The following PTPRN2 variants were observed in gnomAD, a reference collection of about 807,000 sequenced individuals.
PTPRN2 encodes receptor-type tyrosine-protein phosphatase N2.
PTPRN2 carries 74 observed loss-of-function variants against 118.8 expected under a neutral mutation model. That is an observed-to-expected ratio of 0.62 (90% CI 0.52 to 0.76). PTPRN2 has a LOEUF of 0.76. Ranked by LOEUF, PTPRN2 falls within the 30% of genes least tolerant of loss-of-function variation. PTPRN2 has a pLI of 0.00. For synonymous variants in PTPRN2, 641 were observed against 608.0 expected (o/e 1.05, Z -0.80); for missense variants, 1,481 against 1,394.4 (o/e 1.06, Z -0.99).
intron 2 of PTPRN2, among the ~76,000 whole-genome samples, chr7:158,474,197 C>T (rs933261309): frequency 1.3e-5 from 2 of 152,172 alleles, no homozygotes; most frequent in African/African-American, 2.4e-5. Context: ...AGAGGCACAG[C>T]GAACTCTACA....
chr7:157,810,642 G>A (rs1402431994), intron 12 of PTPRN2, among the ~76,000 whole-genome samples: 9 of 138,296 alleles, frequency 6.5e-5, no homozygotes, highest in Admixed American at 4.3e-4. Flanking sequence ...GGACGGGGAC[G>A]GGAACGGCGG....
At chr7:157,759,198 C>T (rs115401479) in intron 12 of PTPRN2, among the ~76,000 whole-genome samples, 1,928 of 152,340 alleles carry the variant, frequency 0.013, 43 homozygotes, top group African/African-American at 0.044. Flanking sequence ...GCGCCGTGGG[C>T]GCAGGCGGTC....
intron 11 of PTPRN2, among the ~76,000 whole-genome samples, chr7:157,909,103 C>A (rs1797934861): frequency 6.6e-6 from 1 of 152,070 alleles, no homozygotes; most frequent in South Asian, 2.1e-4. Flanking sequence ...ATTACTCAGC[C>A]AAACCTTACC....
Position 158,548,755 on chromosome 7 carries a change from G to A in PTPRN2, c.112+38803C>T, listed in dbSNP as rs531041504. On this transcript the variant is annotated intron_variant, in intron 1 of 22. Coordinates refer to ENST00000389418, the MANE Select transcript of PTPRN2 (RefSeq NM_002847.5). ...CCCAGCATGACTCTAAGCCCAGTGT[G>A]GGACCAGCGTGAACCCAGGCGGCCT... Among the ~76,000 whole-genome samples, 204 of 152,330 alleles carry A rather than the reference G, an allele frequency of 1.3e-3. 1 individual carries two copies. Among genetic ancestry groups the A allele is most frequent in the African/African-American group, 4.7e-3 (196 of 41,576 alleles).
At position 158,517,361 on chromosome 7, in the gene PTPRN2, G is replaced by A. The variant is rs1042094880; in HGVS notation, c.113-27576C>T. On this transcript the variant is annotated intron_variant, in intron 1 of 22. Coordinates refer to ENST00000389418, the MANE Select transcript of PTPRN2 (RefSeq NM_002847.5). The surrounding 1 kb of genome is among the most constrained non-coding windows in gnomAD (Gnocchi z 5.3). ...ACACCTATCACCGCCCACCACAGGC[G>A]CACTGTGGGCTGATGGGGTGGGCCA... 7.2e-5 allele frequency among the ~76,000 whole-genome samples: 11 copies of A among 152,256 alleles called. No individual in the cohort carries two copies. Among genetic ancestry groups the A allele is most frequent in the Admixed American group, 4.6e-4 (7 of 15,302 alleles).
chr7:157,805,735 G>A (rs535350918), intron 12 of PTPRN2, among the ~76,000 whole-genome samples: 8 of 152,320 alleles, frequency 5.3e-5, no homozygotes, highest in African/African-American at 1.7e-4. Flanking sequence ...AATAAGACCA[G>A]GCAGTGTTTT....
intron 2 of PTPRN2, among the ~76,000 whole-genome samples, chr7:158,429,601 C>G (rs897081940): frequency 6.6e-6 from 1 of 152,244 alleles, no homozygotes; most frequent in Non-Finnish European, 1.5e-5. Flanking sequence ...TGCCACCCTC[C>G]GCTCAAGCAC....
Position 158,316,820 on chromosome 7 carries a change from T to G in PTPRN2, c.276A>C (p.Thr92=). 6.3e-7 allele frequency: 1 copy of G among 1,599,018 alleles called. No homozygotes were observed. Among genetic ancestry groups the G allele is most frequent in the Non-Finnish European group, 8.5e-7 (1 of 1,176,734 alleles). ...LRVALQKLSG[T]GFTWQDDYTQ... ...AGCCTCGGCCCACGCCCGCCCTACCTGTGCCGGAAAGCTTCTGCAACGCCA... is the reference window on the plus strand; with the variant it reads ...AGCCTCGGCCCACGCCCGCCCTACCGGTGCCGGAAAGCTTCTGCAACGCCA... The change falls in exon 3 of 23, where the codon ACA becomes ACC. Residue 92 remains threonine, a splice_region_variant and synonymous_variant. Transcript: ENST00000389418.
At chr7:158,177,784 T>A (rs1055087350) in intron 5 of PTPRN2, among the ~76,000 whole-genome samples, 1 of 152,350 alleles carries the variant, frequency 6.6e-6, no homozygotes, top group Non-Finnish European at 1.5e-5. Flanking sequence ...GATAGACATT[T>A]GGGTTTTTTC....
intron 11 of PTPRN2, among the ~76,000 whole-genome samples, chr7:158,071,120 CCCG>C (rs1340710181): frequency 6.4e-4 from 39 of 61,070 alleles, no homozygotes; most frequent in Non-Finnish European, 7.9e-4. Flanking sequence ...GGTGGAGGTG[CCCG>C]TGGTGGTGGA....
At position 157,942,624 on chromosome 7, in the gene PTPRN2, C is replaced by T. The variant is rs76316485; in HGVS notation, c.1724-43887G>A. Among the ~76,000 whole-genome samples the T allele has an allele frequency of 7.0e-3, 1,063 of 152,198 alleles. 22 individuals carry two copies. The highest frequency in any genetic ancestry group is 0.023 in the East Asian group (120 of 5,140). On this transcript the variant is annotated intron_variant, in intron 11 of 22. Coordinates refer to ENST00000389418, the MANE Select transcript of PTPRN2 (RefSeq NM_002847.5). ...CTCCACCAGCTCCAGACCCCAACTT[C>T]TCCGCGTTCACCTGTACATCGCAAG...
intron 6 of PTPRN2, among the ~76,000 whole-genome samples, chr7:158,150,957 C>A (rs897445793): frequency 6.6e-6 from 1 of 151,984 alleles, no homozygotes; most frequent in Non-Finnish European, 1.5e-5. Context: ...TTCTGTGCAT[C>A]CCACCCTGCT....
chr7:157,807,366 T>C (rs1404545974), intron 12 of PTPRN2, among the ~76,000 whole-genome samples: 1 of 152,180 alleles, frequency 6.6e-6, no homozygotes, highest in African/African-American at 2.4e-5. Context: ...TGCACACACA[T>C]GGCAGCCAGA....
chr7:157,822,945 T>C (rs1006868957), intron 12 of PTPRN2, among the ~76,000 whole-genome samples: 6 of 152,038 alleles, frequency 3.9e-5, no homozygotes, highest in African/African-American at 1.4e-4. Context: ...ATACTATCCA[T>C]CACTTATCCA....
Position 158,329,503 on chromosome 7 carries a change from C to T in PTPRN2, c.164-12571G>A, listed in dbSNP as rs567009706. Among the ~76,000 whole-genome samples the T allele has an allele frequency of 5.9e-5, 9 of 152,240 alleles. No individual in the cohort carries two copies. The South Asian group carries it at 6.2e-4, about 11-fold the overall frequency. Reference sequence around the variant, plus strand: ...TTACACAGGCCCCAAGGACGGCTCACGCTCCAGCCACATGAGGACACGTGA... The same window carrying T: ...TTACACAGGCCCCAAGGACGGCTCATGCTCCAGCCACATGAGGACACGTGA... On this transcript the variant is annotated intron_variant, in intron 2 of 22. Coordinates refer to ENST00000389418, the MANE Select transcript of PTPRN2 (RefSeq NM_002847.5).
intron 9 of PTPRN2, among the ~76,000 whole-genome samples, chr7:158,125,653 G>A (rs1446471491): frequency 1.3e-5 from 2 of 152,174 alleles, no homozygotes; most frequent in Non-Finnish European, 2.9e-5. Context: ...AAAGCAAAGA[G>A]GAGCAAGTGA....
chr7:158,293,544 C>T (rs955810969), intron 3 of PTPRN2, among the ~76,000 whole-genome samples: 10 of 151,982 alleles, frequency 6.6e-5, no homozygotes, highest in African/African-American at 2.4e-4. Flanking sequence ...CCACTGTTCT[C>T]CAGCCTAGGT....
intron 12 of PTPRN2, among the ~76,000 whole-genome samples, chr7:157,814,282 C>A (rs140978729): frequency 6.6e-6 from 1 of 152,310 alleles, no homozygotes; most frequent in East Asian, 1.9e-4. Context: ...CGGATGTGCG[C>A]GTGAAGGAAA....
At chr7:158,318,085 C>T (rs1802495198) in intron 2 of PTPRN2, among the ~76,000 whole-genome samples, 1 of 152,128 alleles carries the variant, frequency 6.6e-6, no homozygotes, top group Non-Finnish European at 1.5e-5. Context: ...CGAGAGCCGG[C>T]CCGAGATGCC....
Sources: allele counts gnomAD v4.1 joint callset (sites outside exome capture counted in the v4.1 genomes callset), GRCh38; gene constraint gnomAD v4.1.1; non-coding constraint Gnocchi (gnomAD v3.1); transcripts MANE v1.5; gene names NCBI Gene and HGNC (gene_info 2026-07-23, HGNC 2026-07-21).